ABL2: variants seen among roughly 807,000 people sequenced by gnomAD.
The protein encoded by ABL2 is tyrosine-protein kinase ABL2.
ABL2 carries 49 observed loss-of-function variants against 107.7 expected under a neutral mutation model. That is an observed-to-expected ratio of 0.45 (90% CI 0.36 to 0.58). The LOEUF (loss-of-function observed/expected upper bound fraction) is 0.58. Ranked by LOEUF, ABL2 falls within the 20% of genes least tolerant of loss-of-function variation. The pLI is 0.00. For missense variants in ABL2, 1,245 were observed against 1,457.0 expected, an observed-to-expected ratio of 0.85 and a Z score of 2.37; for synonymous variants, 549 against 548.6, an observed-to-expected ratio of 1.00 and a Z score of -0.01.
chr1:179,110,898 T>A (rs565780289), intron 10 of ABL2: 1 of 1,610,798 alleles, frequency 6.2e-7, no homozygotes, highest in Non-Finnish European at 8.5e-7. Flanking sequence ...CCTGCCAACC[T>A]GTCCCCAAAT....
At position 179,126,783 on chromosome 1, in the gene ABL2, C is replaced by T; in HGVS notation, c.392-111G>A. Reference sequence around the variant, plus strand: ...ATTAAAAAAAAAAAAGAATCTAGAACTTTTATGCCAAATTTTTTTTTTAAA... The same window carrying T: ...ATTAAAAAAAAAAAAGAATCTAGAATTTTTATGCCAAATTTTTTTTTTAAA... On this transcript the variant is annotated intron_variant, in intron 3 of 11. Transcript: ENST00000502732. The surrounding 1 kb of genome is among the most constrained non-coding windows in gnomAD (Gnocchi z 4.4). 2 of 1,163,770 alleles carry T rather than the reference C, an allele frequency of 1.7e-6. No homozygotes were observed. The highest frequency in any genetic ancestry group is 2.0e-5 in the South Asian group (1 of 50,998). The allele number at this position is 1,163,770 out of a possible 1,614,324, so 72.1% of individuals were successfully genotyped here. A position where few individuals can be genotyped will look rare whatever the true frequency, so the allele number is the denominator to read the frequency against.
chr1:179,178,064 T>C (rs932694068), intron 1 of ABL2, among the ~76,000 whole-genome samples: 13 of 152,132 alleles, frequency 8.5e-5, no homozygotes, highest in African/African-American at 3.1e-4. Context: ...AGGTTCAAGT[T>C]CCAACATGCC....
At position 179,156,924 on chromosome 1, in the gene ABL2, A is replaced by C. The variant is rs956109098; in HGVS notation, c.158-23550T>G. ...AAATAAATAAATAAATAAATAAATA[A>C]ATAAATAAAACTCTATTAAATTAAT... On this transcript the variant is annotated intron_variant, in intron 1 of 11. Transcript: ENST00000502732. Among the ~76,000 whole-genome samples the C allele has an allele frequency of 2.4e-5, 3 of 126,454 alleles. No individual in the cohort carries two copies. In the East Asian group the frequency reaches 7.5e-4, roughly 32 times the overall value. The allele number at this position is 126,454 out of a possible 152,430, so 83.0% of individuals were successfully genotyped here.
At chr1:179,185,221 G>C (rs1245429004) in intron 1 of ABL2, among the ~76,000 whole-genome samples, 1 of 152,194 alleles carries the variant, frequency 6.6e-6, no homozygotes, top group Admixed American at 6.5e-5. Context: ...GGGTGGATTT[G>C]AGATGTTTGG....
intron 10 of ABL2, 141 bp downstream of exon 10, chr1:179,112,168 T>G: frequency 1.6e-6 from 1 of 634,730 alleles, no homozygotes. Flanking sequence ...TATACTCTGA[T>G]GCAATGTCCT....
chr1:179,184,762 C>CT lies in ABL2; in HGVS notation c.157+44478dup, dbSNP rs534418071. 3.2e-4 allele frequency among the ~76,000 whole-genome samples: 49 copies of CT among 152,126 alleles called. No homozygotes were observed. In the East Asian group the frequency reaches 6.0e-3, roughly 19 times the overall value. ...CCAGTCCCTGGGAGTAAGTTGCAGT[C>CT]TTTTTTTTCCCCCTCTTGTGGCTCA... is the stretch of plus-strand genomic sequence containing the variant. On this transcript the variant is annotated intron_variant, in intron 1 of 11. Transcript: ENST00000502732.
chr1:179,118,895 T>A (rs1234801361), intron 6 of ABL2, 131 bp from the exon 7 acceptor site: 1 of 931,382 alleles, frequency 1.1e-6, no homozygotes, highest in Admixed American at 2.5e-5. Context: ...TACCACCACG[T>A]TCTCTGAAAT....
At chr1:179,151,915 A>C (rs912861097) in intron 1 of ABL2, among the ~76,000 whole-genome samples, 1 of 152,224 alleles carries the variant, frequency 6.6e-6, no homozygotes, top group Non-Finnish European at 1.5e-5. Context: ...TAAAGGTTCA[A>C]ACAGGATGCA....
chr1:179,121,982 C>A (rs1463765505), intron 4 of ABL2, 115 bp from the exon 5 acceptor site: 1 of 1,031,118 alleles, frequency 9.7e-7, no homozygotes, highest in East Asian at 2.7e-5. Flanking sequence ...CTGGAGTGCA[C>A]TGGCGCGATC....
At chr1:179,203,304 C>T (rs1661774768) in intron 1 of ABL2, among the ~76,000 whole-genome samples, 1 of 151,996 alleles carries the variant, frequency 6.6e-6, no homozygotes, top group South Asian at 2.1e-4. Flanking sequence ...CTTCTGTTGC[C>T]TTTGTAAGCT....
Position 179,112,269 on chromosome 1 carries a change from C to G in ABL2, c.1651+40G>C, listed in dbSNP as rs746517610. 104 of 1,554,522 alleles carry G rather than the reference C, an allele frequency of 6.7e-5. No individual in the cohort carries two copies. The South Asian group carries it at 9.1e-4, about 14-fold the overall frequency. ...CCATTATCACCACCACCACCACTAC[C>G]CAGAATTAGTCACCAACAGTAAATC... is the stretch of plus-strand genomic sequence containing the variant. On this transcript the variant is annotated intron_variant, in intron 10 of 11. Transcript: ENST00000502732.
At position 179,121,793 on chromosome 1, in the gene ABL2, C is replaced by A. The variant is rs1252059820; in HGVS notation, c.762G>T (p.Gly254=). The A allele has an allele frequency of 1.9e-6, 3 of 1,614,084 alleles. No homozygotes were observed. The highest frequency in any genetic ancestry group is 1.7e-5 in the Admixed American group (1 of 60,002). The change falls in exon 5 of 12, where the codon GGG becomes GGT. Residue 254 remains glycine, a synonymous_variant. Coordinates refer to ENST00000502732, the MANE Select transcript of ABL2 (RefSeq NM_007314.4). ...CTGGGTAGTGTAATGTTGTCACCAG[C>A]CCATCAGCCACTGTGGAGTGATGGT... is the stretch of plus-strand genomic sequence containing the variant. ...LVHHHSTVAD[G]LVTTLHYPAP...
At chr1:179,171,339 C>T (rs1659705988) in intron 1 of ABL2, among the ~76,000 whole-genome samples, 1 of 152,212 alleles carries the variant, frequency 6.6e-6, no homozygotes, top group Non-Finnish European at 1.5e-5. Context: ...GACACAGAGA[C>T]TCTCCTTTCA....
chr1:179,153,516 C>T (rs961025672), intron 1 of ABL2, among the ~76,000 whole-genome samples: 41 of 152,158 alleles, frequency 2.7e-4, no homozygotes, highest in African/African-American at 9.9e-4. Flanking sequence ...TCCAACCCAT[C>T]GTCAAGGCCA....
intron 7 of ABL2, among the ~76,000 whole-genome samples, chr1:179,117,993 T>C (rs997500567): frequency 6.7e-6 from 1 of 148,954 alleles, no homozygotes; most frequent in African/African-American, 2.5e-5. Context: ...AAAAAAACCA[T>C]AAAAAAACAC....
chr1:179,149,595 G>A (rs193249375), intron 1 of ABL2, among the ~76,000 whole-genome samples: 3 of 152,338 alleles, frequency 2.0e-5, no homozygotes, highest in African/African-American at 7.2e-5. Flanking sequence ...AGGGGTGAAT[G>A]TTGCTGTTGA....
At chr1:179,117,845 G>A (rs912544478) in intron 7 of ABL2, among the ~76,000 whole-genome samples, 1 of 152,070 alleles carries the variant, frequency 6.6e-6, no homozygotes, top group African/African-American at 2.4e-5. Flanking sequence ...TAGGCCAGGT[G>A]TGGTGGCTCA....
chr1:179,171,544 T>C (rs1436177580), intron 1 of ABL2, among the ~76,000 whole-genome samples: 2 of 152,220 alleles, frequency 1.3e-5, no homozygotes, highest in East Asian at 1.9e-4. Flanking sequence ...CCAGCTTCAG[T>C]GCAGTGGCAC....
At chr1:179,219,124 C>T (rs1364860142) in intron 1 of ABL2, among the ~76,000 whole-genome samples, 1 of 152,168 alleles carries the variant, frequency 6.6e-6, no homozygotes, top group East Asian at 1.9e-4. Flanking sequence ...CTCACTGCAG[C>T]CTCAACCTCC....
Sources: gnomAD v4.1 joint callset for allele counts (sites outside exome capture counted in the v4.1 genomes callset) on GRCh38, gnomAD v4.1.1 for gene constraint, Gnocchi (gnomAD v3.1) non-coding constraint, MANE v1.5 for transcripts, NCBI Gene and HGNC (gene_info 2026-07-23, HGNC 2026-07-21) for gene names.